The following EML5 variants were observed in gnomAD, a reference collection of about 807,000 sequenced individuals.
EML5 encodes echinoderm microtubule-associated protein-like 5.
In EML5, 120 loss-of-function variants were observed where a neutral mutation model predicts 250.0. The ratio of observed to expected loss-of-function variants is 0.48; its 90% CI spans 0.41 to 0.56. The LOEUF (loss-of-function observed/expected upper bound fraction) is 0.56. Among genes scored for constraint, EML5 ranks in the 20% least tolerant of loss-of-function variants. The pLI, the probability that EML5 is intolerant of heterozygous loss-of-function variation, is 0.00. For missense variants in EML5, 2,006 were observed against 2,437.6 expected, an observed-to-expected ratio of 0.82 and a Z score of 3.73; for synonymous variants, 771 against 806.5, an observed-to-expected ratio of 0.96 and a Z score of 0.75.
chr14:88,650,111 G>T lies in EML5; in HGVS notation c.4005-185C>A, dbSNP rs183148060. Among the ~76,000 whole-genome samples the T allele has an allele frequency of 4.9e-4, 74 of 152,172 alleles. 1 individual carries two copies. The East Asian group carries it at 0.013, about 27-fold the overall frequency. ...TTAAATATTTTTATTCACAAATACT[G>T]GAAATTTGACAAAAATTAACTACTT... On this transcript the variant is annotated intron_variant, in intron 27 of 43. Coordinates refer to ENST00000554922, the MANE Select transcript of EML5 (RefSeq NM_183387.3).
At chr14:88,755,631 T>C (rs2094148876) in intron 1 of EML5, among the ~76,000 whole-genome samples, 1 of 152,048 alleles carries the variant, frequency 6.6e-6, no homozygotes, top group Non-Finnish European at 1.5e-5. Context: ...GCCCTTGAGA[T>C]GAACAAGAAA....
At chr14:88,743,951 G>T in intron 4 of EML5, 72 bp downstream of exon 4, 1 of 978,572 alleles carries the variant, frequency 1.0e-6, no homozygotes, top group Non-Finnish European at 1.4e-6. Context: ...AGGCTAAATT[G>T]TTAACAGTGC....
intron 2 of EML5, among the ~76,000 whole-genome samples, chr14:88,749,547 A>G (rs2094059861): frequency 6.6e-6 from 1 of 152,166 alleles, no homozygotes; most frequent in Non-Finnish European, 1.5e-5. Flanking sequence ...AAGTTTTAAC[A>G]ACTATTTACG....
intron 17 of EML5, among the ~76,000 whole-genome samples, chr14:88,690,862 C>T (rs2092941627): frequency 6.6e-6 from 1 of 152,194 alleles, no homozygotes; most frequent in African/African-American, 2.4e-5. Context: ...AGAGGGCAAA[C>T]TATCTTCTAG....
rs769122248 is a variant in EML5, at chr14:88,754,610, T to C, written c.259A>G (p.Ile87Val). 3.1e-6 allele frequency: 5 copies of C among 1,613,208 alleles called. No homozygotes were observed. Among genetic ancestry groups the C allele is most frequent in the Non-Finnish European group, 4.2e-6 (5 of 1,179,588 alleles). The change falls in exon 2 of 44, where the codon ATT (isoleucine) becomes GTT (valine). Residue 87 changes from isoleucine to valine, a missense_variant. Ile to Val is a conservative substitution (Grantham distance 29). Transcript: ENST00000554922. ...ATGQVGKEPY[I>V]CIWDSYTVQT... ...ACAGTGTATGAATCCCAAATACAAATATAAGGCTCTTTCCCAACTTGTCCT... is the reference window on the plus strand; with the variant it reads ...ACAGTGTATGAATCCCAAATACAAACATAAGGCTCTTTCCCAACTTGTCCT...
chr14:88,662,366 T>TTTTTAAAAAAAAAA (rs1420625825), intron 24 of EML5, among the ~76,000 whole-genome samples: 1 of 141,186 alleles, frequency 7.1e-6, no homozygotes, highest in African/African-American at 2.7e-5. Context: ...TTTTTTTTTT[T>TTTTTAAAAAAAAAA]AAAGAAGCAA....
intron 20 of EML5, among the ~76,000 whole-genome samples, chr14:88,682,408 TAA>T (rs34864308): frequency 2.9e-5 from 4 of 136,316 alleles, no homozygotes; most frequent in African/African-American, 1.0e-4. Context: ...AAAAATCAAT[TAA>T]AAAAAAAAAA....
chr14:88,622,448 G>T, intron 37 of EML5, 156 bp downstream of exon 37: 1 of 528,492 alleles, frequency 1.9e-6, no homozygotes, highest in Non-Finnish European at 3.1e-6. Flanking sequence ...TGCTAACTTT[G>T]GCAAAGAAAG....
chr14:88,777,748 G>C (rs2094460203), intron 1 of EML5, among the ~76,000 whole-genome samples: 2 of 152,244 alleles, frequency 1.3e-5, no homozygotes. Flanking sequence ...AGCTGAGGCA[G>C]GCAGATTGCT....
chr14:88,683,722 A>G (rs1341107601), intron 20 of EML5, among the ~76,000 whole-genome samples: 2 of 152,220 alleles, frequency 1.3e-5, no homozygotes, highest in African/African-American at 4.8e-5. Flanking sequence ...AATGAAAAAC[A>G]CATGATCAGC....
Position 88,792,190 on chromosome 14 carries a change from G to A in EML5, c.197+117C>T. On this transcript the variant is annotated intron_variant, in intron 1 of 43. Transcript: ENST00000554922. The surrounding 1 kb of genome is among the most constrained non-coding windows in gnomAD (Gnocchi z 6.9). ...ACTCGGGACCAGAGAGACAGCTGCGGATTCCCCTCGGGGTGATGCTCCGTG... is the reference window on the plus strand; with the variant it reads ...ACTCGGGACCAGAGAGACAGCTGCGAATTCCCCTCGGGGTGATGCTCCGTG... 8 of 1,249,872 alleles carry A rather than the reference G, an allele frequency of 6.4e-6. No homozygotes were observed. In the South Asian group the frequency reaches 1.0e-4, roughly 16 times the overall value. The allele number at this position is 1,249,872 out of a possible 1,614,324, so 77.4% of individuals were successfully genotyped here. A position where few individuals can be genotyped will look rare whatever the true frequency, so the allele number is the denominator to read the frequency against.
intron 33 of EML5, among the ~76,000 whole-genome samples, chr14:88,630,510 T>C (rs2090381925): frequency 6.6e-6 from 1 of 152,154 alleles, no homozygotes; most frequent in South Asian, 2.1e-4. Flanking sequence ...AGAGCGTAAG[T>C]GATTCAGGGG....
chr14:88,736,185 G>A (rs1364962333), intron 7 of EML5, among the ~76,000 whole-genome samples, 179 bp downstream of exon 7: 3 of 151,988 alleles, frequency 2.0e-5, no homozygotes, highest in Non-Finnish European at 4.4e-5. Context: ...ATTTTTAGTA[G>A]AGACGGGGTT....
intron 8 of EML5, among the ~76,000 whole-genome samples, chr14:88,722,567 G>C (rs907379364): frequency 6.6e-6 from 1 of 151,686 alleles, no homozygotes; most frequent in African/African-American, 2.4e-5. Context: ...TGAACAATGA[G>C]AACTATGGAC....
At chr14:88,671,998 A>G (rs755242897) in intron 21 of EML5, among the ~76,000 whole-genome samples, 10 of 152,198 alleles carry the variant, frequency 6.6e-5, no homozygotes, top group Admixed American at 2.0e-4. Context: ...TCATAAAGAC[A>G]GAAAATTAAC....
In EML5 at chr14:88,627,800, G is replaced by A; in HGVS notation, c.4377C>T (p.His1459=). The change falls in exon 34 of 44, where the codon CAC becomes CAT. Residue 1459 remains histidine (H), a synonymous_variant. Transcript: ENST00000554922. The part of the protein sequence containing the change: ...ADMSATAPSI[H]IWDAMNKQTL... ...TCTGCTTGTTCATTGCATCCCAGATGTGAATAGAAGGAGCTGTAGCTAAAT... is the reference window on the plus strand; with the variant it reads ...TCTGCTTGTTCATTGCATCCCAGATATGAATAGAAGGAGCTGTAGCTAAAT... The A allele has an allele frequency of 2.5e-6, 4 of 1,600,096 alleles. No individual in the cohort carries two copies. The highest frequency in any genetic ancestry group is 3.4e-6 in the Non-Finnish European group (4 of 1,174,036).
chr14:88,687,180 T>C, intron 19 of EML5, 36 bp downstream of exon 19: 1 of 1,493,554 alleles, frequency 6.7e-7, no homozygotes, highest in South Asian at 1.2e-5. Flanking sequence ...TTAATCTTTT[T>C]TTCCTATACA....
At chr14:88,685,814 G>A (rs2092819758) in intron 19 of EML5, among the ~76,000 whole-genome samples, 2 of 152,004 alleles carry the variant, frequency 1.3e-5, no homozygotes, top group Non-Finnish European at 2.9e-5. Context: ...TATGTAAATA[G>A]CTGTTATACT....
chr14:88,782,021 GT>G (rs777472845), intron 1 of EML5, among the ~76,000 whole-genome samples: 3 of 152,220 alleles, frequency 2.0e-5, no homozygotes, highest in Admixed American at 6.5e-5. Context: ...ATGTGGGAAA[GT>G]TTGGAACTTC....
Sources: gnomAD v4.1 joint callset for allele counts (sites outside exome capture counted in the v4.1 genomes callset) on GRCh38, gnomAD v4.1.1 for gene constraint, Gnocchi (gnomAD v3.1) non-coding constraint, MANE v1.5 for transcripts, NCBI Gene and HGNC (gene_info 2026-07-23, HGNC 2026-07-21) for gene names.